RET: variants seen among roughly 807,000 people sequenced by gnomAD.
The protein encoded by RET is ret proto-oncogene, also known as proto-oncogene tyrosine-protein kinase receptor Ret.
A neutral mutation model predicts 118.3 loss-of-function variants in RET; 19 were observed. The ratio of observed to expected loss-of-function variants is 0.16; its 90% CI spans 0.11 to 0.24. RET has a LOEUF of 0.24. RET is among the 10% of genes least tolerant of loss of function. RET has a pLI of 1.00. For missense variants in RET, 1,219 were observed against 1,502.1 expected (o/e 0.81, Z 3.12); for synonymous variants, 597 against 644.1 (o/e 0.93, Z 1.11).
At chr10:43,105,274 T>A in intron 4 of RET, 81 bp downstream of exon 4, 1 of 1,595,442 alleles carries the variant, frequency 6.3e-7, no homozygotes, top group Non-Finnish European at 8.5e-7. Flanking sequence ...AGTGTCCGTG[T>A]AGCCACCCAA....
At position 43,129,040 on chromosome 10, in the gene RET, C is replaced by T. The variant is rs572314050; in HGVS notation, c.*771C>T. ...CCCCGGGCCCACCACATCATCCTCA[C>T]GTGTTCGGTACTGAGCAGCCACTAC... On this transcript the variant is annotated 3_prime_UTR_variant, in exon 20 of 20. Transcript: ENST00000355710. The T allele has an allele frequency of 7.2e-5, 17 of 235,624 alleles. No homozygotes were observed. Among genetic ancestry groups the T allele is most frequent in the South Asian group, 3.5e-4 (2 of 5,646 alleles). The allele number at this position is 235,624 out of a possible 1,614,324, so 14.6% of individuals were successfully genotyped here. A position where few individuals can be genotyped will look rare whatever the true frequency, so the allele number is the denominator to read the frequency against.
chr10:43,105,372 C>A (rs1187688914), intron 4 of RET, among the ~76,000 whole-genome samples, 179 bp downstream of exon 4: 1 of 152,068 alleles, frequency 6.6e-6, no homozygotes, highest in Admixed American at 6.5e-5. Context: ...GGAGTCCTGC[C>A]AGCACCCAGC....
intron 1 of RET, among the ~76,000 whole-genome samples, chr10:43,079,094 C>G (rs1837120316): frequency 6.6e-6 from 1 of 152,220 alleles, no homozygotes; most frequent in Admixed American, 6.5e-5. Flanking sequence ...CTCAAGCGCC[C>G]TCTTGCGGAC....
intron 16 of RET, among the ~76,000 whole-genome samples, chr10:43,123,335 G>GATTAATTCATGATATTAATTAATGTATC (rs1838259382): frequency 2.6e-5 from 4 of 152,290 alleles, no homozygotes; most frequent in Admixed American, 6.5e-5. Flanking sequence ...GAATTATTAA[G>GATTAATTCATGATATTAATTAATGTATC]ATTAATTCAT....
At chr10:43,125,979 T>A (rs965600028) in intron 18 of RET, among the ~76,000 whole-genome samples, 1 of 152,176 alleles carries the variant, frequency 6.6e-6, no homozygotes, top group African/African-American at 2.4e-5. Context: ...AAGCTGGGCA[T>A]TGAAAGGAGC....
rs1554819978 is a variant in RET, at chr10:43,123,814, CG to C, written c.2939+10del. On this transcript the variant is annotated splice_region_variant and intron_variant, in intron 17 of 19. Coordinates refer to ENST00000355710, the MANE Select transcript of RET (RefSeq NM_020975.6). Reference sequence around the variant, plus strand: ...GACAACTGCAGCGAGGAGATGTGAGCGGGGACTGGCTTTGGCCCAGCCTCAC... The same window carrying C: ...GACAACTGCAGCGAGGAGATGTGAGCGGGACTGGCTTTGGCCCAGCCTCAC... 1 of 1,613,762 alleles carries C rather than the reference CG, an allele frequency of 6.2e-7. No homozygotes were observed. Among genetic ancestry groups the C allele is most frequent in the African/African-American group, 1.3e-5 (1 of 74,886 alleles).
chr10:43,106,397 C>G lies in RET; in HGVS notation c.889C>G (p.Arg297Gly). The change falls in exon 5 of 20, where the codon CGT (arginine) becomes GGT (glycine). Residue 297 changes from arginine (R) to glycine (G), a missense_variant. By Grantham distance (125) the Arg-to-Gly change is moderately radical (BLOSUM62 -2). Coordinates refer to ENST00000355710, the MANE Select transcript of RET (RefSeq NM_020975.6). This position sits in a 1 kb window ranked among gnomAD's most constrained non-coding sequence, Gnocchi z 5.1. ...GCAGGACACCGTGGTGGCCACGCTG[C>G]GTGTCTTCGATGCAGACGTGGTACC... is the stretch of plus-strand genomic sequence containing the variant. ...RKEDTVVATLRVFDADVVPAS... is the reference protein window; with the variant it reads ...RKEDTVVATLGVFDADVVPAS... 1 of 1,612,260 alleles carries G rather than the reference C, an allele frequency of 6.2e-7. No individual in the cohort carries two copies. Among genetic ancestry groups the G allele is most frequent in the Non-Finnish European group, 8.5e-7 (1 of 1,179,918 alleles).
rs1172031258 is a variant in RET at position 43,099,547 on chromosome 10, A to AATAC, written c.74-909_74-908insCATA. Among the ~76,000 whole-genome samples the AATAC allele has an allele frequency of 1.9e-3, 284 of 151,846 alleles. 4 individuals carry two copies. The highest frequency in any genetic ancestry group is 2.9e-3 in the Non-Finnish European group (200 of 67,954). ...AAATAAATAAATAAATAAATAAATA[A>AATAC]ATAAATAAATAAAAATTACATAGAT... On this transcript the variant is annotated intron_variant, in intron 1 of 19. Coordinates refer to ENST00000355710, the MANE Select transcript of RET (RefSeq NM_020975.6).
At chr10:43,102,704 G>A in intron 3 of RET, 75 bp downstream of exon 3, 1 of 1,569,140 alleles carries the variant, frequency 6.4e-7, no homozygotes, top group Non-Finnish European at 8.7e-7. Context: ...CTTGACACAA[G>A]CCATCTGGTT....
intron 1 of RET, among the ~76,000 whole-genome samples, chr10:43,077,938 G>A (rs1564481206): frequency 2.0e-5 from 3 of 152,212 alleles, no homozygotes; most frequent in African/African-American, 4.8e-5. Context: ...TCCCCCCGAG[G>A]GGCCGCCGTG....
chr10:43,119,614 T>A lies in RET; in HGVS notation c.2476T>A (p.Tyr826Asn), dbSNP rs1445590151. The A allele has an allele frequency of 6.2e-7, 1 of 1,612,908 alleles. No individual in the cohort carries two copies. Among genetic ancestry groups the A allele is most frequent in the Admixed American group, 1.7e-5 (1 of 60,018 alleles). ...LRESRKVGPG[Y>N]LGSGGSRNSS... Reference sequence around the variant, plus strand: ...CGAGAGCCGCAAAGTGGGGCCTGGCTACCTGGGCAGTGGAGGCAGCCGCAA... The same window carrying A: ...CGAGAGCCGCAAAGTGGGGCCTGGCAACCTGGGCAGTGGAGGCAGCCGCAA... The change falls in exon 14 of 20, where the codon TAC (tyrosine) becomes AAC (asparagine). Residue 826 changes from tyrosine (Y) to asparagine (N), a missense_variant. Physicochemically the swap from Tyr to Asn is moderately radical, Grantham distance 143. Around this residue, in one of 5 missense-constraint regions of RET, gnomAD observed 850 missense variants for 969.6 expected, o/e 0.88. Transcript: ENST00000355710.
intron 4 of RET, among the ~76,000 whole-genome samples, 200 bp downstream of exon 4, chr10:43,105,393 C>T (rs950846798): frequency 6.6e-6 from 1 of 152,028 alleles, no homozygotes; most frequent in Non-Finnish European, 1.5e-5. Flanking sequence ...TGGGCCTTGC[C>T]TCGGGAGGCA....
At chr10:43,105,238 G>T in intron 4 of RET, 45 bp downstream of exon 4, 1 of 1,611,364 alleles carries the variant, frequency 6.2e-7, no homozygotes. Flanking sequence ...TCTGTCTCCG[G>T]CCACAGTTCG....
At chr10:43,086,059 A>T (rs1471999916) in intron 1 of RET, among the ~76,000 whole-genome samples, 2 of 152,144 alleles carry the variant, frequency 1.3e-5, no homozygotes, top group Non-Finnish European at 2.9e-5. Flanking sequence ...CCCAATGCAG[A>T]AGGGGTGGTA....
At chr10:43,125,542 G>C (rs995717440) in intron 18 of RET, among the ~76,000 whole-genome samples, 1 of 152,150 alleles carries the variant, frequency 6.6e-6, no homozygotes, top group Non-Finnish European at 1.5e-5. Context: ...TCCCAGAGCC[G>C]AACGCAGGCC....
chr10:43,123,002 G>A (rs990601481), intron 16 of RET, among the ~76,000 whole-genome samples: 1 of 152,214 alleles, frequency 6.6e-6, no homozygotes, highest in African/African-American at 2.4e-5. Flanking sequence ...GTTGGAAAAG[G>A]CAGAGAAAAG....
chr10:43,096,228 C>T (rs1837520790), intron 1 of RET, among the ~76,000 whole-genome samples: 1 of 152,072 alleles, frequency 6.6e-6, no homozygotes, highest in African/African-American at 2.4e-5. Context: ...GGGTCTCGAC[C>T]CACGGGCCTG....
chr10:43,100,464 T>C lies in RET; in HGVS notation c.79T>C (p.Leu27=), dbSNP rs377160777. The C allele has an allele frequency of 5.7e-5, 92 of 1,613,570 alleles. No individual in the cohort carries two copies. Among genetic ancestry groups the C allele is most frequent in the Middle Eastern group, 4.9e-4 (3 of 6,062 alleles). Residue 27 remains leucine, a synonymous_variant, in exon 2 of 20, where the codon TTG becomes CTG. Coordinates refer to ENST00000355710, the MANE Select transcript of RET (RefSeq NM_020975.6). ...CACTTCCCTACTTCCCACAGTGGCA[T>C]TGGGCCTCTACTTCTCGAGGGATGC... ...LLLPLLGKVA[L]GLYFSRDAYW...
rs773872326 is a variant in RET at position 43,124,947 on chromosome 10, A to C, written c.3004A>C (p.Ser1002Arg). 2 of 1,614,246 alleles carry C rather than the reference A, an allele frequency of 1.2e-6. No homozygotes were observed. The highest frequency in any genetic ancestry group is 4.5e-5 in the East Asian group (2 of 44,886). The change falls in exon 18 of 20, where the codon AGC (serine) becomes CGC (arginine). Residue 1002 changes from serine to arginine, a missense_variant. Transcript: ENST00000355710. The part of the protein sequence containing the change: ...PDKRPVFADI[S>R]KDLEKMMVKR... ...CAAAAGGCCGGTGTTTGCGGACATC[A>C]GCAAAGACCTGGAGAAGATGATGGT...
Sources: allele counts gnomAD v4.1 joint callset (sites outside exome capture counted in the v4.1 genomes callset), GRCh38; gene constraint gnomAD v4.1.1; regional missense constraint gnomAD v4.1.1; non-coding constraint Gnocchi (gnomAD v3.1); transcripts MANE v1.5; gene names NCBI Gene and HGNC (gene_info 2026-07-23, HGNC 2026-07-21).